The following ANO2 variants were observed in gnomAD, a reference collection of about 807,000 sequenced individuals.
The protein encoded by ANO2 is anoctamin-2.
Under a neutral mutation model 124.2 loss-of-function variants are expected in ANO2, and 101 were observed. That is an observed-to-expected ratio of 0.81 (90% CI 0.69 to 0.96). ANO2 has a LOEUF of 0.96. Ranked by LOEUF, ANO2 falls within the 40% of genes least tolerant of loss-of-function variation. ANO2 has a pLI of 0.00. For synonymous variants in ANO2, 486 were observed against 482.5 expected, an observed-to-expected ratio of 1.01 and a Z score of -0.09; for missense variants, 1,293 against 1,274.5, an observed-to-expected ratio of 1.01 and a Z score of -0.22.
At chr12:5,907,925 C>T (rs1460476290) in intron 3 of ANO2, among the ~76,000 whole-genome samples, 1 of 152,244 alleles carries the variant, frequency 6.6e-6, no homozygotes, top group Admixed American at 6.5e-5. Flanking sequence ...TCTCAGCCTT[C>T]AGCAGGCAGA....
At chr12:5,756,967 G>A (rs1262881147) in intron 10 of ANO2, among the ~76,000 whole-genome samples, 2 of 152,234 alleles carry the variant, frequency 1.3e-5, no homozygotes, top group African/African-American at 4.8e-5. Flanking sequence ...TTCCTTATGA[G>A]CAGTGAACAG....
chr12:5,672,753 AAG>A (rs372490142), intron 14 of ANO2, among the ~76,000 whole-genome samples: 36 of 152,342 alleles, frequency 2.4e-4, no homozygotes, highest in African/African-American at 8.7e-4. Flanking sequence ...CACCCCAGGC[AAG>A]AGTCTAGAAA....
chr12:5,623,918 C>T (rs1374114375), intron 16 of ANO2, among the ~76,000 whole-genome samples: 1 of 152,168 alleles, frequency 6.6e-6, no homozygotes, highest in Non-Finnish European at 1.5e-5. Context: ...TGGTGTCATG[C>T]TGTTGCCCTG....
intron 14 of ANO2, among the ~76,000 whole-genome samples, chr12:5,705,257 T>C (rs1008710154): frequency 6.6e-6 from 1 of 151,926 alleles, no homozygotes; most frequent in African/African-American, 2.4e-5. Flanking sequence ...AAATCAAACA[T>C]TGCTCATCTG....
intron 16 of ANO2, among the ~76,000 whole-genome samples, chr12:5,625,343 T>C (rs1945342145): frequency 2.0e-5 from 3 of 150,850 alleles, no homozygotes; most frequent in Admixed American, 2.0e-4. Flanking sequence ...GAACAATACT[T>C]ACCAGCAGAC....
At chr12:5,921,790 T>C (rs534026144) in intron 2 of ANO2, among the ~76,000 whole-genome samples, 2 of 152,194 alleles carry the variant, frequency 1.3e-5, no homozygotes, top group East Asian at 3.9e-4. Flanking sequence ...TCCTGCACCA[T>C]ACAGGTGAAG....
intron 16 of ANO2, among the ~76,000 whole-genome samples, chr12:5,624,284 G>C (rs955425626): frequency 1.3e-5 from 2 of 151,954 alleles, no homozygotes; most frequent in African/African-American, 4.8e-5. Context: ...GACAGACAGA[G>C]AGACAGACAG....
At chr12:5,826,923 T>C (rs574641051) in intron 7 of ANO2, among the ~76,000 whole-genome samples, 5 of 152,258 alleles carry the variant, frequency 3.3e-5, no homozygotes, top group East Asian at 1.9e-4. Context: ...AAGCCAAAGA[T>C]TTGCCATCCC....
chr12:5,610,819 T>TACGCACAC (rs1555100589), intron 19 of ANO2, among the ~76,000 whole-genome samples: 1 of 110,862 alleles, frequency 9.0e-6, no homozygotes, highest in East Asian at 2.5e-4. Context: ...GAGTTGTCCA[T>TACGCACAC]ACACACACAC....
intron 14 of ANO2, 111 bp from the exon 15 acceptor site, chr12:5,647,912 T>G: frequency 1.3e-6 from 1 of 795,612 alleles, no homozygotes; most frequent in Non-Finnish European, 2.1e-6. Flanking sequence ...TCTATATAGA[T>G]ATATTTCTAG....
intron 14 of ANO2, among the ~76,000 whole-genome samples, chr12:5,708,825 T>G (rs1468625841): frequency 6.6e-6 from 1 of 152,208 alleles, no homozygotes; most frequent in Non-Finnish European, 1.5e-5. Flanking sequence ...AAATGTCAGT[T>G]CATCAGCACA....
chr12:5,865,094 C>T (rs987213531), intron 3 of ANO2, among the ~76,000 whole-genome samples: 3 of 152,204 alleles, frequency 2.0e-5, no homozygotes, highest in African/African-American at 7.2e-5. Context: ...ATTAACTCCC[C>T]TCCCCCACAA....
chr12:5,803,680 C>G (rs1305760195), intron 9 of ANO2, among the ~76,000 whole-genome samples: 2 of 152,188 alleles, frequency 1.3e-5, no homozygotes, highest in African/African-American at 4.8e-5. Context: ...TACCCCCACG[C>G]TGCTCCCTCT....
intron 3 of ANO2, among the ~76,000 whole-genome samples, chr12:5,855,106 A>G (rs575913735): frequency 1.0e-3 from 154 of 152,328 alleles, no homozygotes; most frequent in African/African-American, 3.6e-3. Flanking sequence ...AATTAAGCAC[A>G]AGCATTGTGT....
chr12:5,815,211 C>G (rs1445561460), intron 7 of ANO2, among the ~76,000 whole-genome samples: 1 of 152,182 alleles, frequency 6.6e-6, no homozygotes, highest in Non-Finnish European at 1.5e-5. Context: ...GACCTCCTGC[C>G]ATGCATTTTA....
At chr12:5,620,990 AACG>A (rs1945090023) in intron 16 of ANO2, among the ~76,000 whole-genome samples, 1 of 152,064 alleles carries the variant, frequency 6.6e-6, no homozygotes, top group Non-Finnish European at 1.5e-5. Flanking sequence ...CACCAGCCTG[AACG>A]TGCCACATCC....
chr12:5,905,372 G>A (rs1468732548), intron 3 of ANO2, among the ~76,000 whole-genome samples: 1 of 152,224 alleles, frequency 6.6e-6, no homozygotes, highest in Non-Finnish European at 1.5e-5. Flanking sequence ...GCTTCATGGA[G>A]TGGTTTTAAA....
intron 7 of ANO2, among the ~76,000 whole-genome samples, chr12:5,812,877 A>C (rs117491889): frequency 7.5e-5 from 8 of 106,540 alleles, no homozygotes; most frequent in East Asian, 7.4e-4. Flanking sequence ...AGGAGAAGGA[A>C]AGAAGGAAGG....
In ANO2 at chr12:5,919,221, G is replaced by A. The variant is rs1345886721; in HGVS notation, c.534+1819C>T. Among the ~76,000 whole-genome samples the A allele has an allele frequency of 3.3e-5, 5 of 152,244 alleles. No homozygotes were observed. The East Asian group carries it at 9.6e-4, about 29-fold the overall frequency. ...CTAGGATGGTCAGGGAAGATGTCAG[G>A]AAGGAGGTGACATTTGAGCAGAGAG... On this transcript the variant is annotated intron_variant, in intron 3 of 24. Transcript: ENST00000682330.
Sources: gnomAD v4.1 joint callset for allele counts (sites outside exome capture counted in the v4.1 genomes callset) on GRCh38, gnomAD v4.1.1 for gene constraint, MANE v1.5 for transcripts, NCBI Gene and HGNC (gene_info 2026-07-23, HGNC 2026-07-21) for gene names.